WDR70: variants seen among roughly 807,000 people sequenced by gnomAD.
The protein encoded by WDR70 is WD repeat domain 70.
Under a neutral mutation model 88.6 loss-of-function variants are expected in WDR70, and 53 were observed. The ratio of observed to expected loss-of-function variants is 0.60; its 90% CI spans 0.48 to 0.75. The LOEUF is 0.75. Ranked by LOEUF, WDR70 falls within the 30% of genes least tolerant of loss-of-function variation. WDR70 has a pLI of 0.00. For synonymous variants in WDR70, 280 were observed against 270.0 expected (o/e 1.04, Z -0.36); for missense variants, 610 against 823.2 (o/e 0.74, Z 3.17).
At chr5:37,691,741 G>A (rs527487525) in intron 10 of WDR70, among the ~76,000 whole-genome samples, 5 of 152,258 alleles carry the variant, frequency 3.3e-5, no homozygotes, top group East Asian at 1.9e-4. Flanking sequence ...AGCACTAAAT[G>A]CCCACAAGAG....
intron 9 of WDR70, among the ~76,000 whole-genome samples, chr5:37,517,283 G>A (rs2112259430): frequency 6.6e-6 from 1 of 152,238 alleles, no homozygotes; most frequent in South Asian, 2.1e-4. Flanking sequence ...AATAACTGAG[G>A]AAATTGATTA....
At chr5:37,544,913 T>TA (rs1741940438) in intron 9 of WDR70, among the ~76,000 whole-genome samples, 1 of 152,202 alleles carries the variant, frequency 6.6e-6, no homozygotes, top group Admixed American at 6.5e-5. Context: ...TATAAAATTC[T>TA]ATAAGGAACA....
chr5:37,665,865 A>C (rs16903696), intron 10 of WDR70, among the ~76,000 whole-genome samples: 4,834 of 152,266 alleles, frequency 0.032, 146 homozygotes, highest in South Asian at 0.11. Flanking sequence ...GAAACCCAGC[A>C]TCCTCTTTTC....
intron 4 of WDR70, among the ~76,000 whole-genome samples, 171 bp from the exon 5 acceptor site, chr5:37,396,204 A>T (rs1041160274): frequency 2.0e-5 from 3 of 152,158 alleles, no homozygotes; most frequent in Non-Finnish European, 4.4e-5. Flanking sequence ...AACTTTCTTA[A>T]GATAAAATAT....
rs577409248 is a variant in WDR70, at chr5:37,753,235, A to C, written c.*662A>C. Reference sequence around the variant, plus strand: ...ATAGTACGTACTTTGCAGGTTCGTCAGAAGAATTAAATGGGACATGCCTCA... The same window carrying C: ...ATAGTACGTACTTTGCAGGTTCGTCCGAAGAATTAAATGGGACATGCCTCA... On this transcript the variant is annotated 3_prime_UTR_variant, in exon 18 of 18. Transcript: ENST00000265107. 4.0e-4 allele frequency: 61 copies of C among 152,372 alleles called. 1 individual carries two copies. The highest frequency in any genetic ancestry group is 1.4e-3 in the African/African-American group (60 of 41,588). The allele number at this position is 152,372 out of a possible 1,614,324, so 9.4% of individuals were successfully genotyped here.
intron 7 of WDR70, among the ~76,000 whole-genome samples, chr5:37,468,092 AC>A (rs1231073990): frequency 6.7e-6 from 1 of 149,304 alleles, no homozygotes; most frequent in African/African-American, 2.5e-5. Flanking sequence ...CTTGTGATTC[AC>A]CCGCCTCGGC....
At chr5:37,747,738 C>T (rs779749051) in intron 17 of WDR70, among the ~76,000 whole-genome samples, 4 of 152,138 alleles carry the variant, frequency 2.6e-5, no homozygotes, top group Non-Finnish European at 4.4e-5. Flanking sequence ...TTTAGAAAAC[C>T]TCATCATCTG....
intron 10 of WDR70, among the ~76,000 whole-genome samples, chr5:37,681,231 G>T (rs1237600452): frequency 6.6e-6 from 1 of 151,582 alleles, no homozygotes; most frequent in Non-Finnish European, 1.5e-5. Context: ...TCTTGGCTTG[G>T]CTGTTTTTTG....
At chr5:37,582,260 T>C (rs1272358164) in intron 9 of WDR70, among the ~76,000 whole-genome samples, 1 of 152,192 alleles carries the variant, frequency 6.6e-6, no homozygotes, top group Non-Finnish European at 1.5e-5. Flanking sequence ...ACTAGTTAAC[T>C]ATAGGGATAG....
chr5:37,653,202 T>G (rs1030562161), intron 10 of WDR70, among the ~76,000 whole-genome samples: 6 of 152,212 alleles, frequency 3.9e-5, no homozygotes, highest in Non-Finnish European at 7.3e-5. Context: ...GATAATCATG[T>G]GTTTTTTGTC....
chr5:37,713,139 G>A (rs1747563773), intron 13 of WDR70, among the ~76,000 whole-genome samples: 1 of 152,184 alleles, frequency 6.6e-6, no homozygotes, highest in South Asian at 2.1e-4. Flanking sequence ...CTGCAGTGAA[G>A]TGTCTTTTCC....
At chr5:37,696,193 T>TA (rs754087376) in intron 10 of WDR70, among the ~76,000 whole-genome samples, 57 of 152,170 alleles carry the variant, frequency 3.7e-4, no homozygotes, top group Non-Finnish European at 6.8e-4. Flanking sequence ...TGATATCCAA[T>TA]AAAAAAACCG....
At position 37,478,671 on chromosome 5, in the gene WDR70, A is replaced by C. The variant is rs79179699; in HGVS notation, c.687-1163A>C. Among the ~76,000 whole-genome samples, 850 of 152,260 alleles carry C rather than the reference A, an allele frequency of 5.6e-3. 12 individuals are homozygous for C. Among genetic ancestry groups the C allele is most frequent in the African/African-American group, 0.02 (811 of 41,542 alleles). On this transcript the variant is annotated intron_variant, in intron 7 of 17. Transcript: ENST00000265107. ...CTGAAGCTAAAATAACCCCTCTGAG[A>C]TATTTCAGGAATGGACTATTTTACT...
intron 5 of WDR70, among the ~76,000 whole-genome samples, chr5:37,436,379 C>T (rs1032652785): frequency 2.6e-5 from 4 of 152,100 alleles, no homozygotes; most frequent in Non-Finnish European, 5.9e-5. Context: ...CTGAAGTCAT[C>T]ACATGGTTAA....
chr5:37,681,164 G>A (rs1457082388), intron 10 of WDR70, among the ~76,000 whole-genome samples: 1 of 152,020 alleles, frequency 6.6e-6, no homozygotes, highest in Non-Finnish European at 1.5e-5. Flanking sequence ...CACCTCACTG[G>A]TTAGCTGTAT....
At chr5:37,614,215 T>C (rs186695216) in intron 10 of WDR70, among the ~76,000 whole-genome samples, 21 of 152,314 alleles carry the variant, frequency 1.4e-4, no homozygotes, top group African/African-American at 5.1e-4. Flanking sequence ...CCCTTTTATC[T>C]TGGCTCCTGG....
At chr5:37,732,415 C>T (rs1748172717) in intron 17 of WDR70, among the ~76,000 whole-genome samples, 1 of 152,070 alleles carries the variant, frequency 6.6e-6, no homozygotes, top group Non-Finnish European at 1.5e-5. Context: ...AAACTATACC[C>T]TCTTGAATGA....
At chr5:37,697,844 A>G (rs1747029417) in intron 11 of WDR70, 90 bp downstream of exon 11, 1 of 1,109,996 alleles carries the variant, frequency 9.0e-7, no homozygotes, top group Admixed American at 2.3e-5. Flanking sequence ...TGCTTAGTAA[A>G]GCTTGCTTTG....
rs145939915 is a variant in WDR70, at chr5:37,672,928, C to T, written c.1093-24727C>T. On this transcript the variant is annotated intron_variant, in intron 10 of 17. Transcript: ENST00000265107. ...TACTTCAGGTTCAGGGCTACATGTG[C>T]AGGTTTGTTATATAGGTAAACTTGT... Among the ~76,000 whole-genome samples the T allele has an allele frequency of 9.9e-5, 15 of 152,258 alleles. No individual in the cohort carries two copies. The East Asian group carries it at 2.9e-3, about 29-fold the overall frequency.
Sources: gnomAD v4.1 joint callset for allele counts (sites outside exome capture counted in the v4.1 genomes callset) on GRCh38, gnomAD v4.1.1 for gene constraint, MANE v1.5 for transcripts, NCBI Gene and HGNC (gene_info 2026-07-23, HGNC 2026-07-21) for gene names.